Variants in CACNA1D observed in about 807,000 individuals in gnomAD.
CACNA1D encodes the protein calcium voltage-gated channel subunit alpha1 D, also known as voltage-dependent L-type calcium channel subunit alpha-1D.
CACNA1D carries 55 observed loss-of-function variants against 257.1 expected under a neutral mutation model. That is an observed-to-expected ratio of 0.21 (90% CI 0.17 to 0.27). The LOEUF is 0.27. Ranked by LOEUF, CACNA1D falls within the 10% of genes least tolerant of loss-of-function variation. The pLI is 1.00. For synonymous variants in CACNA1D, 980 were observed against 1,014.9 expected (o/e 0.97, Z 0.65); for missense variants, 1,876 against 2,784.0 (o/e 0.67, Z 7.34).
chr3:53,718,173 C>T (rs963427691), intron 9 of CACNA1D, 128 bp from the exon 10 acceptor site: 32 of 795,876 alleles, frequency 4.0e-5, no homozygotes, highest in Non-Finnish European at 6.2e-5. Flanking sequence ...AGCTGAGGCC[C>T]TGAGGGCCCT....
intron 3 of CACNA1D, among the ~76,000 whole-genome samples, chr3:53,561,752 CT>C (rs2092744494): frequency 6.6e-6 from 1 of 152,138 alleles, no homozygotes. Flanking sequence ...GTGATAAATG[CT>C]TGAGAAACTG....
chr3:53,760,037 T>C (rs2095291497), intron 29 of CACNA1D, among the ~76,000 whole-genome samples: 2 of 152,196 alleles, frequency 1.3e-5, no homozygotes, highest in South Asian at 4.1e-4. Context: ...TTTTGTCTGC[T>C]GATAGATGGG....
At chr3:53,509,645 T>C (rs530894866) in intron 3 of CACNA1D, among the ~76,000 whole-genome samples, 2 of 151,686 alleles carry the variant, frequency 1.3e-5, no homozygotes, top group East Asian at 1.9e-4. Flanking sequence ...GCTCAGTGAG[T>C]GTGGTGGGAT....
chr3:53,760,202 G>T (rs2095292780), intron 29 of CACNA1D, among the ~76,000 whole-genome samples: 1 of 152,174 alleles, frequency 6.6e-6, no homozygotes, highest in African/African-American at 2.4e-5. Flanking sequence ...CCCGAAGTCA[G>T]TGTCGTAGCT....
chr3:53,758,320 A>T (rs969695813), intron 29 of CACNA1D, among the ~76,000 whole-genome samples: 1 of 152,230 alleles, frequency 6.6e-6, no homozygotes, highest in Non-Finnish European at 1.5e-5. Context: ...TCTGGCTGCC[A>T]TGATCAATGA....
At chr3:53,627,268 G>A (rs2093769870) in intron 3 of CACNA1D, among the ~76,000 whole-genome samples, 1 of 152,152 alleles carries the variant, frequency 6.6e-6, no homozygotes, top group Non-Finnish European at 1.5e-5. Context: ...CAGTTCCCCT[G>A]GGTGAGATCC....
intron 15 of CACNA1D, among the ~76,000 whole-genome samples, chr3:53,727,326 G>A (rs189231200): frequency 1.3e-5 from 2 of 152,296 alleles, no homozygotes; most frequent in African/African-American, 2.4e-5. Flanking sequence ...ATGGCTGAGC[G>A]CAAGGCCAGG....
chr3:53,718,445 G>A (rs2094843646), intron 10 of CACNA1D, 57 bp downstream of exon 10: 4 of 1,532,798 alleles, frequency 2.6e-6, no homozygotes, highest in Non-Finnish European at 3.6e-6. Flanking sequence ...AGAAGCAGGT[G>A]GTGAGGAAGA....
rs538996336 is a variant in CACNA1D at position 53,538,141 on chromosome 3, G to GTTTTTTTTTTTTTTTTTTTTT, written c.483+36427_483+36447dup. On this transcript the variant is annotated intron_variant, in intron 3 of 47. Coordinates refer to ENST00000350061, the MANE Select transcript of CACNA1D (RefSeq NM_001128840.3). Reference sequence around the variant, plus strand: ...TTCTCCATATTTACCAGTTTTTGAAGTTTTTTTTTTTTTTTTTTTTTTTTT... The same window carrying GTTTTTTTTTTTTTTTTTTTTT: ...TTCTCCATATTTACCAGTTTTTGAAGTTTTTTTTTTTTTTTTTTTTTTTTTTTTTTTTTTTTTTTTTTTTTT... 6.6e-5 allele frequency among the ~76,000 whole-genome samples: 6 copies of GTTTTTTTTTTTTTTTTTTTTT among 90,468 alleles called. 2 individuals are homozygous for GTTTTTTTTTTTTTTTTTTTTT. Among genetic ancestry groups the GTTTTTTTTTTTTTTTTTTTTT allele is most frequent in the African/African-American group, 3.6e-4 (6 of 16,674 alleles). 59.4% of individuals were successfully genotyped at this position (90,468 alleles called of 152,430 possible).
intron 9 of CACNA1D, among the ~76,000 whole-genome samples, chr3:53,705,483 C>G (rs1394345592): frequency 2.0e-5 from 3 of 152,202 alleles, no homozygotes; most frequent in South Asian, 4.1e-4. Context: ...AGTATTGTTT[C>G]TGCTATGCAC....
At chr3:53,776,756 C>T (rs373957793) in intron 36 of CACNA1D, 26 bp downstream of exon 36, 13 of 1,613,956 alleles carry the variant, frequency 8.1e-6, no homozygotes, top group East Asian at 4.5e-5. Context: ...TTTGATTTGG[C>T]GTGTGTGGGT....
intron 11 of CACNA1D, 43 bp downstream of exon 11, chr3:53,719,824 C>T: frequency 1.3e-6 from 2 of 1,579,302 alleles, no homozygotes; most frequent in Non-Finnish European, 1.7e-6. Flanking sequence ...TGTGTGTTGC[C>T]TTTGTATGTT....
chr3:53,635,174 T>TAAG (rs2093867818), intron 3 of CACNA1D, among the ~76,000 whole-genome samples: 1 of 152,184 alleles, frequency 6.6e-6, no homozygotes, highest in Admixed American at 6.5e-5. Context: ...TGTTCTTAGC[T>TAAG]AAGAAGTGTG....
intron 3 of CACNA1D, among the ~76,000 whole-genome samples, chr3:53,549,781 G>A (rs1256034615): frequency 6.6e-6 from 1 of 152,168 alleles, no homozygotes; most frequent in Non-Finnish European, 1.5e-5. Flanking sequence ...ATGCACAGAA[G>A]TGGTGTGCAG....
At chr3:53,611,136 T>G (rs1041243476) in intron 3 of CACNA1D, among the ~76,000 whole-genome samples, 2 of 152,180 alleles carry the variant, frequency 1.3e-5, no homozygotes, top group African/African-American at 4.8e-5. Context: ...CCCAGCACTT[T>G]AGGAGGCTGA....
intron 8 of CACNA1D, among the ~76,000 whole-genome samples, chr3:53,700,501 T>G (rs1016112114): frequency 2.6e-5 from 4 of 152,194 alleles, no homozygotes; most frequent in Non-Finnish European, 2.9e-5. Flanking sequence ...AGAGAATCAT[T>G]TGGTGAATTT....
chr3:53,746,096 T>C (rs2108845011), intron 25 of CACNA1D, among the ~76,000 whole-genome samples: 1 of 152,312 alleles, frequency 6.6e-6, no homozygotes, highest in South Asian at 2.1e-4. Flanking sequence ...ATCCATGGCA[T>C]TGTTGTGCAA....
Position 53,769,895 on chromosome 3 carries a change from T to C in CACNA1D, c.3871-78T>C, listed in dbSNP as rs925415084. 4.4e-6 allele frequency: 5 copies of C among 1,134,976 alleles called. No homozygotes were observed. In the African/African-American group the frequency reaches 6.1e-5, roughly 14 times the overall value. 70.3% of individuals were successfully genotyped at this position (1,134,976 alleles called of 1,614,324 possible). On this transcript the variant is annotated intron_variant, in intron 30 of 47. Coordinates refer to ENST00000350061, the MANE Select transcript of CACNA1D (RefSeq NM_001128840.3). The stretch of plus-strand genomic sequence containing the variant: ...TAAAGATGGGAACCACACATTTTTT[T>C]AAAGGGGGAAATGCTCTCTGGAACC...
chr3:53,578,705 A>G (rs143237056), intron 3 of CACNA1D, among the ~76,000 whole-genome samples: 151 of 152,236 alleles, frequency 9.9e-4, no homozygotes, highest in African/African-American at 3.4e-3. Flanking sequence ...TTGTTGAGGC[A>G]CTAGTTCTTC....
Sources: allele counts gnomAD v4.1 joint callset (sites outside exome capture counted in the v4.1 genomes callset), GRCh38; gene constraint gnomAD v4.1.1; transcripts MANE v1.5; gene names NCBI Gene and HGNC (gene_info 2026-07-23, HGNC 2026-07-21).